Variants in UBE2G1 observed in about 807,000 individuals in gnomAD.
UBE2G1 encodes the protein ubiquitin conjugating enzyme E2 G1.
A neutral mutation model predicts 22.7 loss-of-function variants in UBE2G1; 5 were observed. That is an observed-to-expected ratio of 0.22 (90% CI 0.12 to 0.46). The LOEUF (loss-of-function observed/expected upper bound fraction) is 0.46. Ranked by LOEUF, UBE2G1 falls within the 20% of genes least tolerant of loss-of-function variation. The pLI, the probability that UBE2G1 is intolerant of heterozygous loss-of-function variation, is 0.99. For synonymous variants in UBE2G1, 74 were observed against 67.5 expected (o/e 1.10, Z -0.47); for missense variants, 88 against 203.9 (o/e 0.43, Z 3.46).
chr17:4,292,101 T>C (rs1969048670), intron 3 of UBE2G1, among the ~76,000 whole-genome samples: 1 of 151,960 alleles, frequency 6.6e-6, no homozygotes, highest in Non-Finnish European at 1.5e-5. Context: ...TTTGGGAGGC[T>C]GAGGCGGGCG....
intron 4 of UBE2G1, among the ~76,000 whole-genome samples, chr17:4,284,158 CAA>C (rs544931688): frequency 1.0e-4 from 11 of 108,956 alleles, no homozygotes; most frequent in Non-Finnish European, 1.2e-4. Flanking sequence ...CTCCGTCTCT[CAA>C]AAAAAAAAAA....
intron 1 of UBE2G1, among the ~76,000 whole-genome samples, chr17:4,341,622 G>A (rs1969713294): frequency 1.3e-5 from 2 of 152,022 alleles, no homozygotes; most frequent in African/African-American, 4.8e-5. Flanking sequence ...AAGCCCACAA[G>A]CCCTCCAGTT....
intron 1 of UBE2G1, among the ~76,000 whole-genome samples, chr17:4,343,460 T>C (rs1368094783): frequency 6.6e-6 from 1 of 152,026 alleles, no homozygotes; most frequent in African/African-American, 2.4e-5. Context: ...GCCAAAATCA[T>C]GACACTGGAC....
chr17:4,291,925 T>A (rs764999942), intron 3 of UBE2G1, among the ~76,000 whole-genome samples: 1 of 152,244 alleles, frequency 6.6e-6, no homozygotes, highest in Non-Finnish European at 1.5e-5. Flanking sequence ...ATGTACTTAA[T>A]GTTTACTTTC....
chr17:4,350,935 AG>A (rs1292574377), intron 1 of UBE2G1, among the ~76,000 whole-genome samples: 1 of 151,712 alleles, frequency 6.6e-6, no homozygotes, highest in East Asian at 1.9e-4. Flanking sequence ...CGGGAGGCTG[AG>A]GCAGGAGAAT....
chr17:4,358,763 C>G (rs1372023792), intron 1 of UBE2G1, among the ~76,000 whole-genome samples: 1 of 152,108 alleles, frequency 6.6e-6, no homozygotes, highest in Non-Finnish European at 1.5e-5. Flanking sequence ...ACCAGCCTGA[C>G]TAATATAGAG....
rs1968769636 is a variant in UBE2G1, at chr17:4,272,269, A to G, written c.*285T>C. On this transcript the variant is annotated 3_prime_UTR_variant, in exon 6 of 6. Transcript: ENST00000396981. ...GTGGATGTACATGAACAGTATATAT[A>G]TTATCCGGATCATGTTGTGCTATGT... is the stretch of plus-strand genomic sequence containing the variant. The G allele has an allele frequency of 6.5e-6, 1 of 153,424 alleles. No homozygotes were observed. Among genetic ancestry groups the G allele is most frequent in the South Asian group, 1.9e-4 (1 of 5,220 alleles). The allele number at this position is 153,424 out of a possible 1,614,324, so 9.5% of individuals were successfully genotyped here.
chr17:4,345,824 G>A (rs1368341221), intron 1 of UBE2G1: 1 of 152,130 alleles, frequency 6.6e-6, no homozygotes, highest in East Asian at 1.9e-4. Flanking sequence ...AGATCCCCAA[G>A]TAAAAATAGA....
chr17:4,352,011 A>T (rs1265630253), intron 1 of UBE2G1, among the ~76,000 whole-genome samples: 1 of 151,766 alleles, frequency 6.6e-6, no homozygotes, highest in Non-Finnish European at 1.5e-5. Flanking sequence ...TCACGCCTGC[A>T]ATCCCAGCAC....
rs1159241540 is a variant in UBE2G1 at position 4,330,971 on chromosome 17, T to TA, written c.47-23849dup. On this transcript the variant is annotated intron_variant, in intron 1 of 5. Coordinates refer to ENST00000396981, the MANE Select transcript of UBE2G1 (RefSeq NM_003342.5). ...GCAAATAATTACTCTTATAAACCTT[T>TA]AAAACCACACACACACACACACACA... is the stretch of plus-strand genomic sequence containing the variant. 3.9e-5 allele frequency among the ~76,000 whole-genome samples: 3 copies of TA among 77,106 alleles called. No individual in the cohort carries two copies. The East Asian group carries it at 7.4e-4, about 19-fold the overall frequency. The allele number at this position is 77,106 out of a possible 152,430, so 50.6% of individuals were successfully genotyped here.
intron 1 of UBE2G1, among the ~76,000 whole-genome samples, chr17:4,316,837 C>T (rs1257322607): frequency 4.7e-5 from 7 of 150,488 alleles, no homozygotes; most frequent in Admixed American, 6.7e-5. Context: ...CTACTGGGGA[C>T]GCTGAGTCAG....
At chr17:4,285,936 C>A (rs1368111494) in intron 4 of UBE2G1, among the ~76,000 whole-genome samples, 3 of 141,972 alleles carry the variant, frequency 2.1e-5, no homozygotes, top group Non-Finnish European at 3.1e-5. Flanking sequence ...GGCGACAGAG[C>A]GAGACTACAT....
chr17:4,340,006 T>C (rs549503598), intron 1 of UBE2G1, among the ~76,000 whole-genome samples: 1 of 152,314 alleles, frequency 6.6e-6, no homozygotes, highest in South Asian at 2.1e-4. Flanking sequence ...CAGTCATAGC[T>C]CACTGCAGCC....
rs1346988042 is a variant in UBE2G1 at position 4,296,741 on chromosome 17, T to C, written c.223A>G (p.Ile75Val). Residue 75 changes from isoleucine (I) to valine (V), a missense_variant, in exon 3 of 6, where the codon ATT becomes GTT. Ile to Val is a conservative substitution (Grantham distance 29). Around this residue, in one of 2 missense-constraint regions of UBE2G1, gnomAD observed 38 missense variants for 132.9 expected, o/e 0.29. Transcript: ENST00000396981. Reference sequence around the variant, plus strand: ...CCATTTGGGTGCCAGATTTCTGTAATGAATTTCATTTTAGGAGGTCGGAGG... The same window carrying C: ...CCATTTGGGTGCCAGATTTCTGTAACGAATTTCATTTTAGGAGGTCGGAGG... ...YPLRPPKMKF[I>V]TEIWHPNVDK... is the part of the protein sequence containing the mutation. The C allele has an allele frequency of 3.7e-6, 6 of 1,613,976 alleles. No homozygotes were observed. Among genetic ancestry groups the C allele is most frequent in the South Asian group, 1.1e-5 (1 of 91,078 alleles).
chr17:4,292,839 C>T (rs1969058466), intron 3 of UBE2G1, among the ~76,000 whole-genome samples: 1 of 152,144 alleles, frequency 6.6e-6, no homozygotes, highest in African/African-American at 2.4e-5. Flanking sequence ...CTTCCAAGGC[C>T]CTTAAGCTCA....
At chr17:4,356,350 C>A (rs898784207) in intron 1 of UBE2G1, among the ~76,000 whole-genome samples, 4 of 151,656 alleles carry the variant, frequency 2.6e-5, no homozygotes, top group Admixed American at 2.0e-4. Flanking sequence ...AAGAGCGAAA[C>A]TGTCTCAAAA....
At chr17:4,276,479 G>T (rs1968823338) in intron 5 of UBE2G1, among the ~76,000 whole-genome samples, 1 of 152,150 alleles carries the variant, frequency 6.6e-6, no homozygotes, top group Non-Finnish European at 1.5e-5. Context: ...TTTTTAATGT[G>T]GTTTAACCTT....
chr17:4,325,726 C>T (rs565351306), intron 1 of UBE2G1, among the ~76,000 whole-genome samples: 62 of 152,242 alleles, frequency 4.1e-4, no homozygotes, highest in Middle Eastern at 6.8e-3. Context: ...TACTACAAAA[C>T]GACAATAATC....
intron 3 of UBE2G1, among the ~76,000 whole-genome samples, chr17:4,292,026 G>T (rs192797343): frequency 6.6e-6 from 1 of 152,142 alleles, no homozygotes; most frequent in East Asian, 1.9e-4. Flanking sequence ...ATGAAACTAA[G>T]CTACCTGGGC....
Sources: gnomAD v4.1 joint callset for allele counts (sites outside exome capture counted in the v4.1 genomes callset) on GRCh38, gnomAD v4.1.1 for gene constraint, gnomAD v4.1.1 regional missense constraint, MANE v1.5 for transcripts, NCBI Gene and HGNC (gene_info 2026-07-23, HGNC 2026-07-21) for gene names.